GLCCI1: variants seen among roughly 807,000 people sequenced by gnomAD.
GLCCI1 encodes the protein glucocorticoid induced 1, also known as glucocorticoid-induced transcript 1 protein.
A neutral mutation model predicts 52.2 loss-of-function variants in GLCCI1; 24 were observed. The ratio of observed to expected loss-of-function variants is 0.46; its 90% CI spans 0.33 to 0.65. GLCCI1 has a LOEUF of 0.65. Ranked by LOEUF, GLCCI1 falls within the 30% of genes least tolerant of loss-of-function variation. The pLI is 0.02. For missense variants in GLCCI1, 704 were observed against 701.5 expected (o/e 1.00, Z -0.04); for synonymous variants, 310 against 276.5 (o/e 1.12, Z -1.20).
chr7:8,066,884 A>G (rs929472523), intron 5 of GLCCI1, among the ~76,000 whole-genome samples: 2 of 152,074 alleles, frequency 1.3e-5, no homozygotes, highest in Non-Finnish European at 2.9e-5. Context: ...AGTTCTGTAG[A>G]TGTCTATTCA....
Position 7,985,192 on chromosome 7 carries a change from G to A in GLCCI1, c.457+15385G>A, listed in dbSNP as rs113537684. 2.9e-4 allele frequency among the ~76,000 whole-genome samples: 44 copies of A among 152,066 alleles called. 1 individual carries two copies. The highest frequency in any genetic ancestry group is 5.8e-4 in the African/African-American group (24 of 41,470). ...AGGCTGATTTTAATTTGTTGTTTTC[G>A]TATATACTTAAGGACCCAGGGAAAT... On this transcript the variant is annotated intron_variant, in intron 1 of 7. Coordinates refer to ENST00000223145, the MANE Select transcript of GLCCI1 (RefSeq NM_138426.4).
chr7:8,047,605 A>G (rs957243099), intron 3 of GLCCI1, among the ~76,000 whole-genome samples: 1 of 152,232 alleles, frequency 6.6e-6, no homozygotes, highest in Admixed American at 6.5e-5. Flanking sequence ...ATTAACATCA[A>G]ATGAGTAAGA....
chr7:8,058,752 A>G (rs1782454264), intron 4 of GLCCI1, among the ~76,000 whole-genome samples: 1 of 152,212 alleles, frequency 6.6e-6, no homozygotes, highest in Non-Finnish European at 1.5e-5. Flanking sequence ...CTTCAACAAC[A>G]ATGGGGGTTG....
intron 3 of GLCCI1, among the ~76,000 whole-genome samples, chr7:8,041,673 C>T (rs1388821425): frequency 6.6e-6 from 1 of 152,174 alleles, no homozygotes; most frequent in African/African-American, 2.4e-5. Context: ...TAGCTCACTG[C>T]AGCTGCAGCT....
intron 2 of GLCCI1, among the ~76,000 whole-genome samples, chr7:8,020,464 A>C (rs1781460943): frequency 6.6e-6 from 1 of 152,244 alleles, no homozygotes; most frequent in Non-Finnish European, 1.5e-5. Flanking sequence ...GAAAAGGATA[A>C]TAGGAAGAAA....
At chr7:8,038,231 C>CA (rs1225859391) in intron 3 of GLCCI1, among the ~76,000 whole-genome samples, 1 of 152,026 alleles carries the variant, frequency 6.6e-6, no homozygotes, top group Non-Finnish European at 1.5e-5. Context: ...TAATTCCTAT[C>CA]AAAATACCAA....
intron 1 of GLCCI1, chr7:7,981,887 C>A: frequency 2.2e-6 from 1 of 464,706 alleles, no homozygotes. Flanking sequence ...AGTCAAGTCA[C>A]TCACACACAA....
chr7:8,022,093 T>C (rs1044636781), intron 2 of GLCCI1, among the ~76,000 whole-genome samples: 2 of 152,210 alleles, frequency 1.3e-5, no homozygotes, highest in African/African-American at 2.4e-5. Context: ...CTTAATACTA[T>C]TGCTTTTGAG....
chr7:8,060,732 A>C (rs1434279082), intron 5 of GLCCI1, among the ~76,000 whole-genome samples: 1 of 152,184 alleles, frequency 6.6e-6, no homozygotes, highest in Non-Finnish European at 1.5e-5. Context: ...ATTAATGGAA[A>C]TTTGGATTGT....
intron 3 of GLCCI1, among the ~76,000 whole-genome samples, chr7:8,039,277 C>T (rs1037170381): frequency 6.6e-6 from 1 of 152,078 alleles, no homozygotes; most frequent in Non-Finnish European, 1.5e-5. Flanking sequence ...GAAATTATAT[C>T]GGAGACACCT....
At chr7:8,036,274 G>A (rs1781866590) in intron 3 of GLCCI1, among the ~76,000 whole-genome samples, 1 of 152,280 alleles carries the variant, frequency 6.6e-6, no homozygotes, top group Admixed American at 6.5e-5. Flanking sequence ...TATTTGAGAA[G>A]CCATCACACA....
At chr7:8,064,100 A>C (rs1243590888) in intron 5 of GLCCI1, among the ~76,000 whole-genome samples, 5 of 152,110 alleles carry the variant, frequency 3.3e-5, no homozygotes, top group African/African-American at 7.2e-5. Flanking sequence ...GAAGCTCTTT[A>C]GTTTAATTAG....
At chr7:8,057,743 C>A (rs1782431095) in intron 4 of GLCCI1, among the ~76,000 whole-genome samples, 2 of 152,112 alleles carry the variant, frequency 1.3e-5, no homozygotes, top group African/African-American at 2.4e-5. Context: ...TAATCTGATA[C>A]AATTAACATA....
chr7:8,054,570 T>C (rs1210903746), intron 3 of GLCCI1, among the ~76,000 whole-genome samples: 3 of 152,186 alleles, frequency 2.0e-5, no homozygotes, highest in Admixed American at 2.0e-4. Flanking sequence ...ATACTAATTT[T>C]CTATTGCCAT....
chr7:8,072,771 A>G (rs1203924702), intron 6 of GLCCI1, among the ~76,000 whole-genome samples: 2 of 152,186 alleles, frequency 1.3e-5, no homozygotes, highest in African/African-American at 4.8e-5. Flanking sequence ...TGGGGTAAAA[A>G]TGAAAAGTAG....
chr7:8,061,668 T>C (rs1369614445), intron 5 of GLCCI1, among the ~76,000 whole-genome samples: 1 of 134,690 alleles, frequency 7.4e-6, no homozygotes, highest in Non-Finnish European at 1.6e-5. Flanking sequence ...TTTTTTTTTT[T>C]TTTTTTTTTT....
At chr7:8,054,665 GAATA>G (rs1396689380) in intron 3 of GLCCI1, among the ~76,000 whole-genome samples, 1 of 151,802 alleles carries the variant, frequency 6.6e-6, no homozygotes, top group African/African-American at 2.4e-5. Flanking sequence ...GATGTTCAGG[GAATA>G]ATTATTAATT....
At chr7:8,046,998 CAG>C (rs982856555) in intron 3 of GLCCI1, among the ~76,000 whole-genome samples, 3 of 149,952 alleles carry the variant, frequency 2.0e-5, no homozygotes, top group African/African-American at 4.9e-5. Flanking sequence ...TGAGGAGAAA[CAG>C]AGAGGGGGAA....
intron 3 of GLCCI1, 51 bp downstream of exon 3, chr7:8,022,620 A>T: frequency 8.7e-7 from 1 of 1,146,552 alleles, no homozygotes. Context: ...CTAGTAGATT[A>T]CCTTAGTATT....
Sources: gnomAD v4.1 joint callset for allele counts (sites outside exome capture counted in the v4.1 genomes callset) on GRCh38, gnomAD v4.1.1 for gene constraint, MANE v1.5 for transcripts, NCBI Gene and HGNC (gene_info 2026-07-23, HGNC 2026-07-21) for gene names.